Variants in MAPK10 observed in about 807,000 individuals in gnomAD.
MAPK10 encodes the protein mitogen-activated protein kinase 10.
MAPK10 carries 25 observed loss-of-function variants against 59.3 expected under a neutral mutation model. The observed-to-expected ratio is 0.42, with a 90% CI of 0.31 to 0.59. MAPK10 has a LOEUF of 0.59. Ranked by LOEUF, MAPK10 falls within the 20% of genes least tolerant of loss-of-function variation. The pLI is 0.15. For synonymous variants in MAPK10, 190 were observed against 200.5 expected (o/e 0.95, Z 0.44); for missense variants, 351 against 568.9 (o/e 0.62, Z 3.90).
At chr4:86,507,661 TATATATATATAA>T (rs1490009676) in intron 1 of MAPK10, among the ~76,000 whole-genome samples, 6 of 100,370 alleles carry the variant, frequency 6.0e-5, no homozygotes, top group African/African-American at 2.0e-4. Context: ...TATATATATA[TATATATATATAA>T]AATCATGTGT....
chr4:86,260,091 C>A (rs958427553), intron 2 of MAPK10, among the ~76,000 whole-genome samples: 1 of 152,022 alleles, frequency 6.6e-6, no homozygotes, highest in South Asian at 2.1e-4. Context: ...ACAATTCTCA[C>A]AATAACCCTA....
At chr4:86,174,594 C>A (rs1279447928) in intron 3 of MAPK10, among the ~76,000 whole-genome samples, 3 of 152,098 alleles carry the variant, frequency 2.0e-5, no homozygotes, top group Non-Finnish European at 4.4e-5. Context: ...AAATGTATCC[C>A]AGAGCTTAAA....
At chr4:86,360,827 T>C (rs905261830), upstream of MAPK10, among the ~76,000 whole-genome samples, 2 of 152,164 alleles carry the variant, frequency 1.3e-5, no homozygotes, top group Non-Finnish European at 2.9e-5. Context: ...CCATAAATAA[T>C]AGTTTCTTAG....
At position 86,552,011 on chromosome 4, in the gene MAPK10, G is replaced by A. The variant is rs540093668; in HGVS notation, c.-263+41899C>T. On this transcript the variant is annotated intron_variant, in intron 1 of 4. Coordinates refer to the MAPK10 transcript ENST00000502302. ...TTAAAGGTAGATATTTATTTCTGCT[G>A]ATTTTTTTCATTAGAGAATGCCTAT... 1.8e-4 allele frequency among the ~76,000 whole-genome samples: 28 copies of A among 152,174 alleles called. No homozygotes were observed. The East Asian group carries it at 5.4e-3, about 29-fold the overall frequency.
intron 2 of MAPK10, among the ~76,000 whole-genome samples, chr4:86,286,542 T>C (rs1040325727): frequency 6.6e-6 from 1 of 152,326 alleles, no homozygotes; most frequent in African/African-American, 2.4e-5. Context: ...ATAGGTTCTG[T>C]TATTATCCTC....
intron 1 of MAPK10, among the ~76,000 whole-genome samples, chr4:86,517,838 G>C (rs936941933): frequency 6.6e-6 from 1 of 152,174 alleles, no homozygotes; most frequent in African/African-American, 2.4e-5. Context: ...TTTTGGAATA[G>C]TTTCAGTAGG....
intron 9 of MAPK10, among the ~76,000 whole-genome samples, chr4:86,074,490 G>C (rs1464043776): frequency 6.8e-6 from 1 of 146,016 alleles, no homozygotes; most frequent in African/African-American, 2.6e-5. Context: ...TCCTAGTCTC[G>C]ATGGTCTTTA....
chr4:86,583,964 G>T (rs1477412252), intron 1 of MAPK10, among the ~76,000 whole-genome samples: 1 of 152,166 alleles, frequency 6.6e-6, no homozygotes, highest in Non-Finnish European at 1.5e-5. Flanking sequence ...GCTGGTGAAT[G>T]AATTTATGCA....
At chr4:86,037,338 G>A (rs534511142) in intron 11 of MAPK10, among the ~76,000 whole-genome samples, 4 of 152,200 alleles carry the variant, frequency 2.6e-5, no homozygotes, top group South Asian at 4.1e-4. Flanking sequence ...GGCTAACACA[G>A]TGAAACCCCA....
At chr4:86,086,556 A>G (rs1257913747) in intron 9 of MAPK10, among the ~76,000 whole-genome samples, 1 of 152,188 alleles carries the variant, frequency 6.6e-6, no homozygotes, top group Non-Finnish European at 1.5e-5. Flanking sequence ...AAAATTAAAA[A>G]TTAAAAAAAG....
chr4:86,241,534 C>A (rs866965098), intron 2 of MAPK10, among the ~76,000 whole-genome samples: 14 of 152,144 alleles, frequency 9.2e-5, no homozygotes, highest in Middle Eastern at 3.4e-3. Context: ...TCCTTTCATT[C>A]TTTTCTCTCT....
chr4:86,100,610 G>C (rs1407700498), intron 8 of MAPK10: 1 of 153,118 alleles, frequency 6.5e-6, no homozygotes, highest in African/African-American at 2.4e-5. Context: ...AAGGATTTGT[G>C]TCACTTTTTT....
At chr4:86,278,143 T>C (rs1198181973) in intron 2 of MAPK10, among the ~76,000 whole-genome samples, 1 of 152,122 alleles carries the variant, frequency 6.6e-6, no homozygotes, top group Admixed American at 6.6e-5. Context: ...AGACGTACAA[T>C]CTTAAATATC....
chr4:86,485,699 C>T (rs1343174316), intron 1 of MAPK10, among the ~76,000 whole-genome samples: 1 of 152,138 alleles, frequency 6.6e-6, no homozygotes, highest in Admixed American at 6.5e-5. Context: ...TTTGTTGAAC[C>T]CCTCAACTCC....
Position 86,214,193 on chromosome 4 carries a change from T to TA in MAPK10, c.-6-19787dup, listed in dbSNP as rs1460092011. Among the ~76,000 whole-genome samples the TA allele has an allele frequency of 5.3e-5, 8 of 151,994 alleles. No individual in the cohort carries two copies. The South Asian group carries it at 6.2e-4, about 12-fold the overall frequency. ...AAAATTCAACACCCTTTCATGATTT[T>TA]AAAAAACACTCAACAAACTAAAAAT... On this transcript the variant is annotated intron_variant, in intron 2 of 13. Coordinates refer to ENST00000641462, the MANE Select transcript of MAPK10 (RefSeq NM_138982.4).
chr4:86,024,535 GCTT>G (rs1196060714), intron 13 of MAPK10: 1 of 152,098 alleles, frequency 6.6e-6, no homozygotes, highest in Admixed American at 6.5e-5. Context: ...TATTTCCCCT[GCTT>G]CTTTTTACTG....
At chr4:86,267,905 C>A (rs1231585400) in intron 2 of MAPK10, among the ~76,000 whole-genome samples, 1 of 152,116 alleles carries the variant, frequency 6.6e-6, no homozygotes, top group Non-Finnish European at 1.5e-5. Flanking sequence ...TAAAGCATAT[C>A]TACTTATTCA....
At chr4:86,179,141 G>T (rs2076337567) in intron 3 of MAPK10, among the ~76,000 whole-genome samples, 1 of 152,070 alleles carries the variant, frequency 6.6e-6, no homozygotes, top group African/African-American at 2.4e-5. Flanking sequence ...AGTGGAGGTT[G>T]CAGTGAGCCA....
chr4:86,535,867 G>A (rs1758203019), intron 1 of MAPK10, among the ~76,000 whole-genome samples: 1 of 152,120 alleles, frequency 6.6e-6, no homozygotes, highest in East Asian at 1.9e-4. Context: ...TACAAGACAC[G>A]TCAAAACATC....
Sources: gnomAD v4.1 joint callset for allele counts (sites outside exome capture counted in the v4.1 genomes callset) on GRCh38, gnomAD v4.1.1 for gene constraint, MANE v1.5 for transcripts, NCBI Gene and HGNC (gene_info 2026-07-23, HGNC 2026-07-21) for gene names.